Variants in DDB2 observed in about 807,000 individuals in gnomAD.
The protein encoded by DDB2 is damage specific DNA binding protein 2, also known as DNA damage-binding protein 2.
A neutral mutation model predicts 50.5 loss-of-function variants in DDB2; 27 were observed. The observed-to-expected ratio is 0.53, with a 90% CI of 0.39 to 0.74. The LOEUF (loss-of-function observed/expected upper bound fraction) is 0.74, where lower values mean the gene tolerates loss of function less well. DDB2 is among the 30% of genes least tolerant of loss of function. DDB2 has a pLI of 0.00. For missense variants in DDB2, 424 were observed against 545.6 expected, an observed-to-expected ratio of 0.78 and a Z score of 2.22; for synonymous variants, 176 against 205.5, an observed-to-expected ratio of 0.86 and a Z score of 1.23.
Position 47,217,877 on chromosome 11 carries a change from C to T in DDB2, c.456+828C>T, listed in dbSNP as rs529671713. 2.4e-4 allele frequency among the ~76,000 whole-genome samples: 36 copies of T among 151,772 alleles called. No individual in the cohort carries two copies. In the South Asian group the frequency reaches 6.2e-3, roughly 26 times the overall value. ...CTGCACTCCAGCCTGGGCAACAGAG[C>T]GAGACTCCATCTCAAAAAAAAAGAA... On this transcript the variant is annotated intron_variant, in intron 3 of 9. Transcript: ENST00000256996.
chr11:47,225,407 A>G (rs1953543770), intron 3 of DDB2, among the ~76,000 whole-genome samples: 1 of 151,764 alleles, frequency 6.6e-6, no homozygotes, highest in Non-Finnish European at 1.5e-5. Flanking sequence ...CCTGGCCAAC[A>G]TGGTGAAACC....
rs1466991227 is a variant in DDB2 at position 47,238,244 on chromosome 11, G to A, written c.1234+61G>A. The A allele has an allele frequency of 2.0e-5, 30 of 1,484,018 alleles. No homozygotes were observed. In the South Asian group the frequency reaches 3.1e-4, roughly 15 times the overall value. 91.9% of individuals were successfully genotyped at this position (1,484,018 alleles called of 1,614,324 possible). On this transcript the variant is annotated intron_variant, in intron 9 of 9. Transcript: ENST00000256996. ...CCGATCCTACTTCCCAAGGTTCAGT[G>A]CGGGCCAGCCTCAGCCCCGCCCTGC...
At chr11:47,233,294 T>G in intron 4 of DDB2, 1 of 399,276 alleles carries the variant, frequency 2.5e-6, no homozygotes, top group Admixed American at 3.6e-5. Flanking sequence ...AACTTGAGAC[T>G]GAATGCCCTG....
rs1447136920 is a variant in DDB2, at chr11:47,235,713, TCA to T, written c.1023+302_1023+303del. The T allele has an allele frequency of 1.3e-5, 6 of 472,938 alleles. No homozygotes were observed. In the Admixed American group the frequency reaches 1.3e-4, roughly 11 times the overall value. The allele number at this position is 472,938 out of a possible 1,614,324, so 29.3% of individuals were successfully genotyped here. A position where few individuals can be genotyped will look rare whatever the true frequency, so the allele number is the denominator to read the frequency against. ...GACCCTCTGTTCTGTCTTCTCAGCTTCAGTTACCTGTGTACAGTTGACCCACA... is the reference window on the plus strand; with the variant it reads ...GACCCTCTGTTCTGTCTTCTCAGCTTGTTACCTGTGTACAGTTGACCCACA... On this transcript the variant is annotated intron_variant, in intron 7 of 9. Coordinates refer to ENST00000256996, the MANE Select transcript of DDB2 (RefSeq NM_000107.3).
At position 47,217,084 on chromosome 11, in the gene DDB2, A is replaced by G. The variant is rs769399278; in HGVS notation, c.456+35A>G. 16 of 1,595,300 alleles carry G rather than the reference A, an allele frequency of 1.0e-5. No homozygotes were observed. The South Asian group carries it at 1.8e-4, about 18-fold the overall frequency. ...TCCCCATGCCAGGTCGTGCTAAAGA[A>G]GTGTTTGTTGGCTGGGTGCAGTGGT... On this transcript the variant is annotated intron_variant, in intron 3 of 9. Coordinates refer to ENST00000256996, the MANE Select transcript of DDB2 (RefSeq NM_000107.3).
chr11:47,231,083 G>A (rs1264250617), intron 3 of DDB2, among the ~76,000 whole-genome samples: 38 of 121,626 alleles, frequency 3.1e-4, no homozygotes, highest in African/African-American at 1.1e-3. Context: ...TTGTGCCACC[G>A]CACTTCAGCC....
At position 47,235,691 on chromosome 11, in the gene DDB2, C is replaced by T. The variant is rs531148027; in HGVS notation, c.1023+279C>T. ...TGTGAGAATTTTCTAAGATCCTGAC[C>T]CTCTGTTCTGTCTTCTCAGCTTCAG... On this transcript the variant is annotated intron_variant, in intron 7 of 9. Coordinates refer to ENST00000256996, the MANE Select transcript of DDB2 (RefSeq NM_000107.3). 2.0e-5 allele frequency: 10 copies of T among 506,646 alleles called. No individual in the cohort carries two copies. The East Asian group carries it at 2.5e-4, about 13-fold the overall frequency. The allele number at this position is 506,646 out of a possible 1,614,324, so 31.4% of individuals were successfully genotyped here.
At chr11:47,216,216 G>A (rs777786685) in intron 1 of DDB2, 120 bp from the exon 2 acceptor site, 51 of 1,460,316 alleles carry the variant, frequency 3.5e-5, no homozygotes, top group African/African-American at 5.6e-5. Context: ...TGGAAAGGCC[G>A]CAGGAGGTGA....
At chr11:47,214,725 C>G, upstream of DDB2, 1 of 327,164 alleles carries the variant, frequency 3.1e-6, no homozygotes, top group Non-Finnish European at 5.9e-6. Context: ...GAGCTATGAT[C>G]GCCCCACTGC....
Position 47,234,610 on chromosome 11 carries a change from C to T in DDB2, c.640C>T (p.Arg214Ter), listed in dbSNP as rs144989465. ...FCSLDVSASS[R>*]MVVTGDNVGN... ...TAGCCTGGATGTGTCTGCTAGTAGC[C>T]GAATGGTGGTCACAGGAGACAACGT... Residue 214 changes from arginine (R) to a stop codon, truncating the protein, a stop_gained, in exon 5 of 10, where the codon CGA becomes TGA. Coordinates refer to ENST00000256996, the MANE Select transcript of DDB2 (RefSeq NM_000107.3). LOFTEE classifies it high-confidence loss of function. 1.2e-5 allele frequency: 20 copies of T among 1,613,912 alleles called. No homozygotes were observed. The highest frequency in any genetic ancestry group is 1.7e-5 in the Admixed American group (1 of 59,972).
chr11:47,237,718 A>T, intron 7 of DDB2, 119 bp from the exon 8 acceptor site: 1 of 1,030,474 alleles, frequency 9.7e-7, no homozygotes, highest in Non-Finnish European at 1.5e-6. Context: ...TACAGGTGTG[A>T]GCCACTGCAC....
At chr11:47,235,589 C>T (rs528202410) in intron 7 of DDB2, 177 bp downstream of exon 7, 119 of 665,644 alleles carry the variant, frequency 1.8e-4, no homozygotes, top group African/African-American at 1.5e-3. Context: ...CCCACTTCTG[C>T]CATCCCATAT....
intron 3 of DDB2, among the ~76,000 whole-genome samples, chr11:47,219,902 C>T (rs906649167): frequency 2.0e-5 from 3 of 152,206 alleles, no homozygotes; most frequent in African/African-American, 7.2e-5. Context: ...ATTCTCCTGC[C>T]TCAGCCTCCG....
chr11:47,214,951 G>C (rs137929910), upstream of DDB2: 324 of 787,310 alleles, frequency 4.1e-4, 2 homozygotes, highest in African/African-American at 5.2e-3. Flanking sequence ...TCTCCGAGAC[G>C]GGTGGGGCCG....
chr11:47,216,838 T>C lies in DDB2; in HGVS notation c.265-20T>C. On this transcript the variant is annotated intron_variant, in intron 2 of 9. Transcript: ENST00000256996. The stretch of plus-strand genomic sequence containing the variant: ...GAACTTGGGTTTTAATTCAACCTAA[T>C]TCATTTCTCTCTGTGGCAGGGGCTC... The C allele has an allele frequency of 6.2e-7, 1 of 1,613,514 alleles. No individual in the cohort carries two copies. The highest frequency in any genetic ancestry group is 2.2e-5 in the East Asian group (1 of 44,874).
intron 3 of DDB2, among the ~76,000 whole-genome samples, chr11:47,226,476 T>C (rs1447068775): frequency 6.6e-6 from 1 of 152,070 alleles, no homozygotes. Flanking sequence ...TTTTGCCACG[T>C]TGGCCAGGCT....
At chr11:47,236,713 G>A (rs779794699) in intron 7 of DDB2, among the ~76,000 whole-genome samples, 3 of 152,208 alleles carry the variant, frequency 2.0e-5, no homozygotes, top group Non-Finnish European at 4.4e-5. Flanking sequence ...AATGATGATT[G>A]AATATTGAGT....
rs770341238 is a variant in DDB2 at position 47,234,897 on chromosome 11, C to G, written c.843C>G (p.Phe281Leu). The G allele has an allele frequency of 1.3e-5, 21 of 1,614,134 alleles. No individual in the cohort carries two copies. The highest frequency in any genetic ancestry group is 2.7e-5 in the African/African-American group (2 of 74,940). Residue 281 changes from phenylalanine to leucine, a missense_variant, in exon 6 of 10, where the codon TTC becomes TTG. Coordinates refer to ENST00000256996, the MANE Select transcript of DDB2 (RefSeq NM_000107.3). ...GCCAGGTTAGAGGGAAAGCCAGCTT[C>G]CTCTACTCGCTGCCGCACAGGCATC... Reference protein sequence around the residue: ...DLRQVRGKASFLYSLPHRHPV... With the variant: ...DLRQVRGKASLLYSLPHRHPV...
At chr11:47,226,569 G>A (rs557966485) in intron 3 of DDB2, among the ~76,000 whole-genome samples, 82 of 152,052 alleles carry the variant, frequency 5.4e-4, no homozygotes, top group African/African-American at 1.9e-3. Flanking sequence ...CACCATGCTC[G>A]GCCTTTTCTG....
Sources: allele counts gnomAD v4.1 joint callset (sites outside exome capture counted in the v4.1 genomes callset), GRCh38; gene constraint gnomAD v4.1.1; transcripts MANE v1.5; gene names NCBI Gene and HGNC (gene_info 2026-07-23, HGNC 2026-07-21).